The following GIT2 variants were observed in gnomAD, a reference collection of about 807,000 sequenced individuals.
The protein encoded by GIT2 is ARF GTPase-activating protein GIT2.
Under a neutral mutation model 100.3 loss-of-function variants are expected in GIT2, and 32 were observed. The ratio of observed to expected loss-of-function variants is 0.32; its 90% CI spans 0.24 to 0.43. GIT2 has a LOEUF of 0.43. Ranked by LOEUF, GIT2 falls within the 20% of genes least tolerant of loss-of-function variation. GIT2 has a pLI of 1.00. For synonymous variants in GIT2, 353 were observed against 364.1 expected, an observed-to-expected ratio of 0.97 and a Z score of 0.35; for missense variants, 737 against 975.1, an observed-to-expected ratio of 0.76 and a Z score of 3.25.
At chr12:109,981,338 G>A (rs1886284501) in intron 6 of GIT2, 11 of 271,034 alleles carry the variant, frequency 4.1e-5, no homozygotes, top group East Asian at 1.7e-4. Context: ...AATTTAATGA[G>A]GTAAAAAAAT....
In GIT2 at chr12:109,931,996, A is replaced by C. The variant is rs1871728859; in HGVS notation, c.*982T>G. On this transcript the variant is annotated 3_prime_UTR_variant, in exon 20 of 20. Coordinates refer to ENST00000355312, the MANE Select transcript of GIT2 (RefSeq NM_057169.5). ...GTCCTTAAAGATGATGAAAAATGTG[A>C]AGCAACTCATGTGAGAAAGCTGTAA... 6.6e-6 allele frequency: 1 copy of C among 152,232 alleles called. No homozygotes were observed. The highest frequency in any genetic ancestry group is 6.5e-5 in the Admixed American group (1 of 15,272). 9.4% of individuals were successfully genotyped at this position (152,232 alleles called of 1,614,324 possible).
intron 13 of GIT2, 123 bp downstream of exon 13, chr12:109,952,969 C>A (rs539329129): frequency 1.0e-4 from 87 of 869,680 alleles, no homozygotes; most frequent in Non-Finnish European, 3.4e-5. Flanking sequence ...AACCATTTAA[C>A]CTTGTTTCAC....
intron 1 of GIT2, among the ~76,000 whole-genome samples, chr12:109,995,097 G>A (rs939129815): frequency 2.6e-5 from 4 of 152,102 alleles, no homozygotes; most frequent in African/African-American, 9.7e-5. Context: ...ATTGTTTATC[G>A]GACACTATTG....
intron 2 of GIT2, among the ~76,000 whole-genome samples, chr12:109,991,048 G>T (rs574206075): frequency 6.6e-6 from 1 of 152,204 alleles, no homozygotes; most frequent in African/African-American, 2.4e-5. Context: ...GGTGGCTCAC[G>T]CCTGCAATCC....
intron 14 of GIT2, among the ~76,000 whole-genome samples, chr12:109,950,182 A>T (rs180901156): frequency 4.6e-5 from 7 of 152,366 alleles, no homozygotes; most frequent in Admixed American, 1.3e-4. Flanking sequence ...TAGTAAACAG[A>T]GGGGCATGGG....
At chr12:109,953,294 A>C in intron 12 of GIT2, 60 bp from the exon 13 acceptor site, 1 of 1,565,276 alleles carries the variant, frequency 6.4e-7, no homozygotes, top group African/African-American at 1.4e-5. Flanking sequence ...CTTCCAAAAA[A>C]CTACGGAGAG....
intron 7 of GIT2, among the ~76,000 whole-genome samples, chr12:109,968,181 G>A (rs747677940): frequency 6.6e-6 from 1 of 152,202 alleles, no homozygotes; most frequent in Non-Finnish European, 1.5e-5. Flanking sequence ...CTATCACTTT[G>A]TTTTCCAAAC....
chr12:109,958,523 G>A (rs1050402237), intron 12 of GIT2, among the ~76,000 whole-genome samples: 1 of 152,174 alleles, frequency 6.6e-6, no homozygotes, highest in Non-Finnish European at 1.5e-5. Flanking sequence ...GATTACAGGC[G>A]TAAGGCACCA....
chr12:109,949,797 T>G (rs1361044056), intron 14 of GIT2, among the ~76,000 whole-genome samples: 1 of 152,224 alleles, frequency 6.6e-6, no homozygotes, highest in East Asian at 1.9e-4. Flanking sequence ...GCAGATTGAT[T>G]TACAGTGGCA....
intron 15 of GIT2, among the ~76,000 whole-genome samples, chr12:109,946,089 A>C (rs1166730547): frequency 7.9e-5 from 12 of 152,050 alleles, no homozygotes; most frequent in South Asian, 2.1e-4. Context: ...AGCTGAGATC[A>C]CACCACTGCA....
At chr12:109,937,434 G>T (rs902691680) in intron 18 of GIT2, among the ~76,000 whole-genome samples, 2 of 152,180 alleles carry the variant, frequency 1.3e-5, no homozygotes, top group Non-Finnish European at 2.9e-5. Flanking sequence ...AAAAGAATGA[G>T]ATTTTTCTTG....
intron 6 of GIT2, chr12:109,982,208 C>G (rs1886437914): frequency 6.6e-6 from 1 of 152,362 alleles, no homozygotes; most frequent in Admixed American, 6.5e-5. Flanking sequence ...TTGACTCCTG[C>G]CTTTCCTCTT....
intron 15 of GIT2, among the ~76,000 whole-genome samples, chr12:109,946,368 G>A (rs1242047182): frequency 2.0e-5 from 3 of 151,842 alleles, no homozygotes; most frequent in Admixed American, 6.6e-5. Context: ...AATTTTTTTG[G>A]AAACTCCCAT....
At chr12:109,983,808 T>A in intron 4 of GIT2, 114 bp from the exon 5 acceptor site, 1 of 670,152 alleles carries the variant, frequency 1.5e-6, no homozygotes, top group Non-Finnish European at 2.6e-6. Flanking sequence ...ATAATCTTTA[T>A]TTGTCTCGGT....
Position 109,938,471 on chromosome 12 carries a change from G to A in GIT2, c.1912C>T (p.Pro638Ser), listed in dbSNP as rs746234453. The A allele has an allele frequency of 2.5e-6, 4 of 1,613,830 alleles. No homozygotes were observed. The highest frequency in any genetic ancestry group is 1.1e-5 in the South Asian group (1 of 91,080). The part of the protein sequence containing the change: ...EPHVAPSPTL[P>S]STEDVIRKTE... Reference sequence around the variant, plus strand: ...TTCCTGATGACATCTTCGGTGCTAGGGAGAGTGGGGCTTGGGGCCACATGG... The same window carrying A: ...TTCCTGATGACATCTTCGGTGCTAGAGAGAGTGGGGCTTGGGGCCACATGG... The change falls in exon 18 of 20, where the codon CCT becomes TCT. Residue 638 changes from proline (P) to serine (S), a missense_variant. This residue lies in a region of GIT2 where 451 missense variants were observed against 543.7 expected (regional missense o/e 0.83). Transcript: ENST00000355312.
rs1871736513 is a variant in GIT2 at position 109,932,023 on chromosome 12, T to C, written c.*955A>G. The C allele has an allele frequency of 2.0e-5, 3 of 152,250 alleles. No homozygotes were observed. The highest frequency in any genetic ancestry group is 6.5e-5 in the Admixed American group (1 of 15,276). The allele number at this position is 152,250 out of a possible 1,614,324, so 9.4% of individuals were successfully genotyped here. A position where few individuals can be genotyped will look rare whatever the true frequency, so the allele number is the denominator to read the frequency against. ...GCAACTCATGTGAGAAAGCTGTAAG[T>C]GGTCAGAGAAGCAAGCTGACTTTTG... On this transcript the variant is annotated 3_prime_UTR_variant, in exon 20 of 20. Coordinates refer to ENST00000355312, the MANE Select transcript of GIT2 (RefSeq NM_057169.5).
chr12:109,985,624 C>T (rs1281239752), intron 4 of GIT2, among the ~76,000 whole-genome samples: 1 of 151,948 alleles, frequency 6.6e-6, no homozygotes, highest in African/African-American at 2.4e-5. Context: ...CCGAGGCAGG[C>T]AGATCACTTG....
At chr12:109,942,771 A>G (rs1875171134) in intron 16 of GIT2, 1 of 152,238 alleles carries the variant, frequency 6.6e-6, no homozygotes, top group Non-Finnish European at 1.5e-5. Flanking sequence ...TAATAAATGC[A>G]TTTGGTAAAT....
At chr12:109,992,272 G>A (rs999195755) in intron 1 of GIT2, among the ~76,000 whole-genome samples, 3 of 145,196 alleles carry the variant, frequency 2.1e-5, no homozygotes, top group East Asian at 2.1e-4. Context: ...TCAGCCTCCC[G>A]AGTAGCTGGG....
Sources: allele counts gnomAD v4.1 joint callset (sites outside exome capture counted in the v4.1 genomes callset), GRCh38; gene constraint gnomAD v4.1.1; regional missense constraint gnomAD v4.1.1; transcripts MANE v1.5; gene names NCBI Gene and HGNC (gene_info 2026-07-23, HGNC 2026-07-21).